The following KANSL1L variants were observed in gnomAD, a reference collection of about 807,000 sequenced individuals.
KANSL1L encodes KAT8 regulatory NSL complex subunit 1 like.
In KANSL1L, 25 loss-of-function variants were observed where a neutral mutation model predicts 108.6. That is an observed-to-expected ratio of 0.23 (90% confidence interval 0.17 to 0.32). The LOEUF is 0.32. KANSL1L is among the 10% of genes least tolerant of loss of function. The pLI, the probability that KANSL1L is intolerant of heterozygous loss-of-function variation, is 1.00. For missense variants in KANSL1L, 1,137 were observed against 1,125.7 expected, an observed-to-expected ratio of 1.01 and a Z score of -0.14; for synonymous variants, 405 against 395.1, an observed-to-expected ratio of 1.03 and a Z score of -0.30.
rs2093877453 is a variant in KANSL1L at position 210,022,692 on chromosome 2, A to G, written c.*257T>C. 2.3e-6 allele frequency: 1 copy of G among 427,888 alleles called. No homozygotes were observed. Among genetic ancestry groups the G allele is most frequent in the African/African-American group, 2.0e-5 (1 of 49,864 alleles). 26.5% of individuals were successfully genotyped at this position (427,888 alleles called of 1,614,324 possible). On this transcript the variant is annotated 3_prime_UTR_variant, in exon 15 of 15. Coordinates refer to ENST00000281772, the MANE Select transcript of KANSL1L (RefSeq NM_152519.4). ...GTAATGTGATTTGACATCAAGTTGC[A>G]GCAATTAATATCTTGGTGTTTGTAA...
At chr2:210,169,706 G>A (rs567699660) in intron 1 of KANSL1L, among the ~76,000 whole-genome samples, 8 of 152,314 alleles carry the variant, frequency 5.3e-5, no homozygotes, top group Middle Eastern at 3.4e-3. Context: ...AAACCATGAG[G>A]AAATGGTTGC....
rs2093878373 is a variant in KANSL1L, at chr2:210,022,736, A to G, written c.*213T>C. 2 of 528,054 alleles carry G rather than the reference A, an allele frequency of 3.8e-6. No individual in the cohort carries two copies. The allele number at this position is 528,054 out of a possible 1,614,324, so 32.7% of individuals were successfully genotyped here. ...TTTGTAAGTAAGTTGCATGATAAAC[A>G]CAAATGACTACCACTTGTCTGTAGA... On this transcript the variant is annotated 3_prime_UTR_variant, in exon 15 of 15. Coordinates refer to ENST00000281772, the MANE Select transcript of KANSL1L (RefSeq NM_152519.4).
At chr2:210,127,852 A>G (rs1433785374) in intron 3 of KANSL1L, among the ~76,000 whole-genome samples, 1 of 150,442 alleles carries the variant, frequency 6.6e-6, no homozygotes, top group Non-Finnish European at 1.5e-5. Flanking sequence ...AAATATTTAT[A>G]AATCATATAT....
chr2:210,118,293 A>G (rs1211576808), intron 3 of KANSL1L, among the ~76,000 whole-genome samples: 1 of 150,726 alleles, frequency 6.6e-6, no homozygotes, highest in Non-Finnish European at 1.5e-5. Flanking sequence ...ACATGGAGAA[A>G]CCTTGTCTCT....
intron 2 of KANSL1L, among the ~76,000 whole-genome samples, chr2:210,136,739 T>C (rs1575597335): frequency 6.6e-6 from 1 of 152,114 alleles, no homozygotes; most frequent in Non-Finnish European, 1.5e-5. Flanking sequence ...TGCACACAAA[T>C]GAGTTAGTAA....
chr2:210,033,817 C>T (rs1461302267), intron 8 of KANSL1L, among the ~76,000 whole-genome samples: 2 of 151,734 alleles, frequency 1.3e-5, no homozygotes, highest in African/African-American at 4.8e-5. Context: ...GGATTACAGG[C>T]GTGAGCCACC....
At chr2:210,069,066 T>C (rs1034819394) in intron 6 of KANSL1L, among the ~76,000 whole-genome samples, 10 of 152,144 alleles carry the variant, frequency 6.6e-5, no homozygotes, top group African/African-American at 2.4e-4. Context: ...TATTCTACTC[T>C]AAAAAGCAAG....
intron 6 of KANSL1L, among the ~76,000 whole-genome samples, chr2:210,048,666 GT>G (rs1318719812): frequency 6.6e-6 from 1 of 151,520 alleles, no homozygotes; most frequent in African/African-American, 2.4e-5. Context: ...TACGTGTATG[GT>G]TTTGTTTTTG....
chr2:210,054,586 T>A (rs1175027180), intron 6 of KANSL1L, among the ~76,000 whole-genome samples: 1 of 152,170 alleles, frequency 6.6e-6, no homozygotes, highest in African/African-American at 2.4e-5. Context: ...CACAAACATG[T>A]GGACTGAACT....
In KANSL1L at chr2:210,107,119, G is replaced by A. The variant is rs548345156; in HGVS notation, c.1231-2818C>T. On this transcript the variant is annotated intron_variant, in intron 3 of 14. Transcript: ENST00000281772. ...AAAGCAAATCAACTGTTTCTGAGAA[G>A]AGAAATCCTGACAATGCAGGGTCTT... is the stretch of plus-strand genomic sequence containing the variant. Among the ~76,000 whole-genome samples, 6 of 152,258 alleles carry A rather than the reference G, an allele frequency of 3.9e-5. No homozygotes were observed. In the South Asian group the frequency reaches 1.2e-3, roughly 32 times the overall value.
At chr2:210,099,280 A>T (rs1053876809) in intron 4 of KANSL1L, among the ~76,000 whole-genome samples, 3 of 152,180 alleles carry the variant, frequency 2.0e-5, no homozygotes, top group African/African-American at 7.2e-5. Context: ...ATACAGACGT[A>T]GTTCAACATT....
At position 210,029,908 on chromosome 2, in the gene KANSL1L, A is replaced by C. The variant is rs556313369; in HGVS notation, c.2166T>G (p.Thr722=). ...GTTGAAAATCAGATTCTTCAAGTTTAGTTCTTTCTCCTGCCATGGAAAGAA... is the reference window on the plus strand; with the variant it reads ...GTTGAAAATCAGATTCTTCAAGTTTCGTTCTTTCTCCTGCCATGGAAAGAA... ...HLSETALGER[T]KLEESDFQHT... is the part of the protein sequence containing the mutation. The change falls in exon 10 of 15, where the codon ACT becomes ACG. Residue 722 remains threonine (T), a synonymous_variant. Coordinates refer to ENST00000281772, the MANE Select transcript of KANSL1L (RefSeq NM_152519.4). 6.8e-5 allele frequency: 107 copies of C among 1,570,506 alleles called. 5 individuals are homozygous for C. In the South Asian group the frequency reaches 1.2e-3, roughly 18 times the overall value.
At chr2:210,103,915 T>C (rs534412542) in intron 4 of KANSL1L, 189 bp downstream of exon 4, 3 of 353,678 alleles carry the variant, frequency 8.5e-6, no homozygotes, top group Non-Finnish European at 1.5e-5. Flanking sequence ...ATTTAAATAA[T>C]TTAAATTATA....
intron 3 of KANSL1L, among the ~76,000 whole-genome samples, chr2:210,109,371 C>T (rs1281400053): frequency 4.6e-5 from 7 of 152,190 alleles, no homozygotes; most frequent in East Asian, 1.9e-4. Context: ...ACTCTGATCC[C>T]TTCCCTTCTC....
intron 8 of KANSL1L, 65 bp downstream of exon 8, chr2:210,040,355 C>T: frequency 1.3e-6 from 1 of 770,048 alleles, no homozygotes; most frequent in East Asian, 2.6e-5. Flanking sequence ...TCTTAGAATG[C>T]AAAAATAGTA....
At chr2:210,106,388 G>T (rs1427354477) in intron 3 of KANSL1L, among the ~76,000 whole-genome samples, 1 of 152,126 alleles carries the variant, frequency 6.6e-6, no homozygotes, top group Non-Finnish European at 1.5e-5. Flanking sequence ...GAATTTCAAA[G>T]TTCTATTTCC....
chr2:210,068,127 C>T (rs1170274633), intron 6 of KANSL1L, among the ~76,000 whole-genome samples: 1 of 152,186 alleles, frequency 6.6e-6, no homozygotes, highest in Non-Finnish European at 1.5e-5. Context: ...CCATCTGCCT[C>T]AGACTCCCAA....
At chr2:210,112,103 T>A (rs567323348) in intron 3 of KANSL1L, among the ~76,000 whole-genome samples, 2 of 152,204 alleles carry the variant, frequency 1.3e-5, no homozygotes, top group East Asian at 3.9e-4. Flanking sequence ...ATGGTGTATA[T>A]GTGTCACATT....
At chr2:210,126,037 ATTTGT>A (rs762557770) in intron 3 of KANSL1L, among the ~76,000 whole-genome samples, 17 of 152,348 alleles carry the variant, frequency 1.1e-4, no homozygotes, top group South Asian at 4.1e-4. Flanking sequence ...AAGTTAAATG[ATTTGT>A]TTTAAGATGA....
Sources: allele counts gnomAD v4.1 joint callset (sites outside exome capture counted in the v4.1 genomes callset), GRCh38; gene constraint gnomAD v4.1.1; transcripts MANE v1.5; gene names NCBI Gene and HGNC (gene_info 2026-07-23, HGNC 2026-07-21).